The following ENOSF1 variants were observed in gnomAD, a reference collection of about 807,000 sequenced individuals.
ENOSF1 encodes the protein mitochondrial enolase superfamily member 1.
ENOSF1 carries 73 observed loss-of-function variants against 68.2 expected under a neutral mutation model. The ratio of observed to expected loss-of-function variants is 1.07; its 90% CI spans 0.89 to 1.30. The LOEUF (loss-of-function observed/expected upper bound fraction) is 1.30, where lower values mean the gene tolerates loss of function less well. ENOSF1 is among the 50% of genes most tolerant of loss of function. ENOSF1 has a pLI of 0.00. For missense variants in ENOSF1, 589 were observed against 554.5 expected (o/e 1.06, Z -0.62); for synonymous variants, 223 against 210.4 (o/e 1.06, Z -0.52).
At chr18:712,291 A>C in intron 1 of ENOSF1, 5 of 1,526,574 alleles carry the variant, frequency 3.3e-6, no homozygotes, top group Non-Finnish European at 2.6e-6. Context: ...CGAAGTCGGG[A>C]AGCTGCCCGG....
At chr18:666,933 T>A (rs62090121), downstream of ENOSF1, among the ~76,000 whole-genome samples, 3,940 of 47,678 alleles carry the variant, frequency 0.083, 614 homozygotes, top group African/African-American at 0.12. Context: ...ATGGTGATGG[T>A]GATGGAGATG....
intron 13 of ENOSF1, 49 bp downstream of exon 13, chr18:677,694 A>G (rs1183571000): frequency 1.3e-6 from 2 of 1,583,980 alleles, no homozygotes; most frequent in South Asian, 2.3e-5. Flanking sequence ...GAGGTGTCTG[A>G]TTAGTGGGGA....
chr18:702,855 T>C (rs1348177977), intron 2 of ENOSF1, among the ~76,000 whole-genome samples: 2 of 152,240 alleles, frequency 1.3e-5, no homozygotes, highest in Non-Finnish European at 2.9e-5. Context: ...AAAAACTACA[T>C]TGGTATATTC....
In ENOSF1 at chr18:674,274, C is replaced by A; in HGVS notation, c.*31G>T. On this transcript the variant is annotated 3_prime_UTR_variant, in exon 16 of 16. Coordinates refer to ENST00000647584, the MANE Select transcript of ENOSF1 (RefSeq NM_017512.7). ...CAAGAAATTTTAAGCCCTTTCACTTCAGAAAGAAAAAAGTTGTTGGGGCTG... is the reference window on the plus strand; with the variant it reads ...CAAGAAATTTTAAGCCCTTTCACTTAAGAAAGAAAAAAGTTGTTGGGGCTG... 2 of 1,484,062 alleles carry A rather than the reference C, an allele frequency of 1.3e-6. No homozygotes were observed. The highest frequency in any genetic ancestry group is 1.8e-6 in the Non-Finnish European group (2 of 1,085,930). 91.9% of individuals were successfully genotyped at this position (1,484,062 alleles called of 1,614,324 possible). A position where few individuals can be genotyped will look rare whatever the true frequency, so the allele number is the denominator to read the frequency against.
chr18:690,797 C>G, intron 7 of ENOSF1, 166 bp from the exon 8 acceptor site: 1 of 1,482,064 alleles, frequency 6.7e-7, no homozygotes, highest in Non-Finnish European at 8.9e-7. Context: ...CCCAGGTGAT[C>G]AGGATACTCT....
chr18:690,230 T>G (rs2606252), intron 8 of ENOSF1, among the ~76,000 whole-genome samples: 50,892 of 151,634 alleles, frequency 0.34, 8,956 homozygotes, highest in Admixed American at 0.37. Context: ...ACCTCTAATC[T>G]GAGGCAAAGC....
At chr18:681,050 C>T (rs929077528) in intron 11 of ENOSF1, among the ~76,000 whole-genome samples, 6 of 152,074 alleles carry the variant, frequency 3.9e-5, no homozygotes, top group Admixed American at 1.3e-4. Flanking sequence ...TTAGTAGAGA[C>T]GAGGTTTCAC....
Position 671,313 on chromosome 18 carries a change from G to A in ENOSF1, c.*2992C>T, listed in dbSNP as rs1244871427. 9.4e-6 allele frequency: 10 copies of A among 1,065,610 alleles called. No homozygotes were observed. Among genetic ancestry groups the A allele is most frequent in the Non-Finnish European group, 1.5e-5 (10 of 682,568 alleles). 66.0% of individuals were successfully genotyped at this position (1,065,610 alleles called of 1,614,324 possible). ...CCTTGCGGTGTCTGCATATTCTAAT[G>A]TTTTTAAATGATGTTTTAAAGAATT... On this transcript the variant is annotated 3_prime_UTR_variant, in exon 16 of 16. Transcript: ENST00000647584.
At chr18:706,815 ATT>A (rs71297337) in intron 1 of ENOSF1, 16 of 131,016 alleles carry the variant, frequency 1.2e-4, no homozygotes, top group East Asian at 8.7e-4. Flanking sequence ...ATATATATAT[ATT>A]TTTTTTTTTT....
At chr18:669,291 GGTTGATT>G (rs780071964), downstream of ENOSF1, 89 of 704,482 alleles carry the variant, frequency 1.3e-4, no homozygotes, top group Non-Finnish European at 1.9e-4. Flanking sequence ...CCAGCCACAT[GGTTGATT>G]GTGTGACGTT....
At chr18:709,343 G>A (rs752274674) in intron 1 of ENOSF1, among the ~76,000 whole-genome samples, 2 of 152,174 alleles carry the variant, frequency 1.3e-5, no homozygotes, top group Non-Finnish European at 2.9e-5. Context: ...AGAAAGGCAG[G>A]AGGCCACGAG....
chr18:673,183 T>C lies in ENOSF1; in HGVS notation c.*1122A>G. On this transcript the variant is annotated 3_prime_UTR_variant, in exon 16 of 16. Coordinates refer to ENST00000647584, the MANE Select transcript of ENOSF1 (RefSeq NM_017512.7). Reference sequence around the variant, plus strand: ...GTAACTGTGCCAGTTCTTTCCATAATAAAAGGCTTTGAGTTAACTCACTGA... The same window carrying C: ...GTAACTGTGCCAGTTCTTTCCATAACAAAAGGCTTTGAGTTAACTCACTGA... The C allele has an allele frequency of 1.8e-6, 1 of 547,294 alleles. No homozygotes were observed. Among genetic ancestry groups the C allele is most frequent in the Non-Finnish European group, 3.0e-6 (1 of 338,748 alleles). 33.9% of individuals were successfully genotyped at this position (547,294 alleles called of 1,614,324 possible).
intron 12 of ENOSF1, 89 bp downstream of exon 12, chr18:678,607 G>C (rs933724323): frequency 2.3e-6 from 3 of 1,299,528 alleles, no homozygotes; most frequent in Non-Finnish European, 3.3e-6. Context: ...GCAGGTGATG[G>C]AGCCTAACAC....
chr18:670,208 C>G (rs1242608220), downstream of ENOSF1: 1 of 153,346 alleles, frequency 6.5e-6, no homozygotes, highest in South Asian at 2.0e-4. Flanking sequence ...GTATTTTTAG[C>G]AGAGACGGGG....
At chr18:691,430 C>G in intron 5 of ENOSF1, 154 bp from the exon 6 acceptor site, 1 of 628,680 alleles carries the variant, frequency 1.6e-6, no homozygotes, top group South Asian at 2.1e-5. Flanking sequence ...ACTGCAGCCT[C>G]AGTCTCCCTG....
Position 685,048 on chromosome 18 carries a change from G to A in ENOSF1, c.741+873C>T, listed in dbSNP as rs545073285. On this transcript the variant is annotated intron_variant, in intron 10 of 15. Transcript: ENST00000647584. ...TTAATTTTTTTTCTTCTTTCTTTTA[G>A]AGAGAGAGTCTTGCTATGTAGCCCA... Among the ~76,000 whole-genome samples the A allele has an allele frequency of 5.3e-4, 81 of 151,844 alleles. 4 individuals carry two copies. The South Asian group carries it at 0.015, about 28-fold the overall frequency.
At chr18:705,115 G>C (rs571472751) in intron 2 of ENOSF1, among the ~76,000 whole-genome samples, 13 of 152,256 alleles carry the variant, frequency 8.5e-5, no homozygotes, top group Non-Finnish European at 1.6e-4. Flanking sequence ...TCTTTTATAT[G>C]CTTAACAATT....
At chr18:678,874 G>T in intron 11 of ENOSF1, 137 bp from the exon 12 acceptor site, 1 of 858,164 alleles carries the variant, frequency 1.2e-6, no homozygotes, top group Non-Finnish European at 1.9e-6. Flanking sequence ...GGCAAAGGAT[G>T]TCCAGGGGAA....
In ENOSF1 at chr18:671,596, C is replaced by T. The variant is rs2075053206; in HGVS notation, c.*2709G>A. 1 of 679,270 alleles carries T rather than the reference C, an allele frequency of 1.5e-6. No individual in the cohort carries two copies. 42.1% of individuals were successfully genotyped at this position (679,270 alleles called of 1,614,324 possible). On this transcript the variant is annotated 3_prime_UTR_variant, in exon 16 of 16. Transcript: ENST00000647584. ...CTTCAGTTTAGGGAGAAGTGGTGGGCAGGTGGGCAGGACAAGGCAGGCATC... is the reference window on the plus strand; with the variant it reads ...CTTCAGTTTAGGGAGAAGTGGTGGGTAGGTGGGCAGGACAAGGCAGGCATC...
Sources: allele counts gnomAD v4.1 joint callset (sites outside exome capture counted in the v4.1 genomes callset), GRCh38; gene constraint gnomAD v4.1.1; transcripts MANE v1.5; gene names NCBI Gene and HGNC (gene_info 2026-07-23, HGNC 2026-07-21).